EXD3: variants seen among roughly 807,000 people sequenced by gnomAD.
EXD3 encodes exonuclease mut-7 homolog.
A neutral mutation model predicts 98.0 loss-of-function variants in EXD3; 92 were observed. The ratio of observed to expected loss-of-function variants is 0.94; its 90% CI spans 0.79 to 1.12. EXD3 has a LOEUF of 1.12. EXD3 is among the 50% of genes most tolerant of loss of function. EXD3 has a pLI of 0.00. For synonymous variants in EXD3, 569 were observed against 526.0 expected (o/e 1.08, Z -1.12); for missense variants, 1,222 against 1,191.6 (o/e 1.03, Z -0.38).
In EXD3 at chr9:137,381,741, C is replaced by T. The variant is rs905906912; in HGVS notation, c.120+1572G>A. The stretch of plus-strand genomic sequence containing the variant: ...TTCATCTCCCTCCTCTGGGGGCACC[C>T]GGCGTCTGTGCCACCATATGGGGGT... On this transcript the variant is annotated intron_variant, in intron 3 of 21. Coordinates refer to ENST00000340951, the MANE Select transcript of EXD3 (RefSeq NM_017820.5). Among the ~76,000 whole-genome samples the T allele has an allele frequency of 7.9e-5, 12 of 152,316 alleles. 1 individual carries two copies. The highest frequency in any genetic ancestry group is 1.4e-4 in the African/African-American group (6 of 41,586).
intron 3 of EXD3, among the ~76,000 whole-genome samples, chr9:137,378,743 A>G (rs1376855813): frequency 1.3e-5 from 2 of 152,240 alleles, no homozygotes; most frequent in African/African-American, 2.4e-5. Flanking sequence ...GCAAGTCACA[A>G]AAGACCCCAT....
chr9:137,316,905 G>A (rs1450338420), intron 19 of EXD3, among the ~76,000 whole-genome samples: 1 of 152,182 alleles, frequency 6.6e-6, no homozygotes, highest in Admixed American at 6.5e-5. Flanking sequence ...CCTTCCAGGG[G>A]AGCTCTATGT....
In EXD3 at chr9:137,324,252, C is replaced by A; in HGVS notation, c.1999-109G>T. On this transcript the variant is annotated intron_variant, in intron 17 of 21. Transcript: ENST00000340951. This position sits in a 1 kb window ranked among gnomAD's most constrained non-coding sequence, Gnocchi z 4.1. Reference sequence around the variant, plus strand: ...CCCCGGATCGTGGCCCTGCCCCAGGCCCCTTTTGTCCTCCAGGGTGGCCTC... The same window carrying A: ...CCCCGGATCGTGGCCCTGCCCCAGGACCCTTTTGTCCTCCAGGGTGGCCTC... 1 of 923,278 alleles carries A rather than the reference C, an allele frequency of 1.1e-6. No individual in the cohort carries two copies. 57.2% of individuals were successfully genotyped at this position (923,278 alleles called of 1,614,324 possible). A position where few individuals can be genotyped will look rare whatever the true frequency, so the allele number is the denominator to read the frequency against.
Position 137,354,036 on chromosome 9 carries a change from C to A in EXD3, c.870+303G>T, listed in dbSNP as rs1455992529. ...GGCGCCTTGCACCTCTCTGGTGACT[C>A]TCAGCCCCCACCCGGCCCCACAGGC... On this transcript the variant is annotated intron_variant, in intron 10 of 21. Transcript: ENST00000340951. 4 of 1,192,762 alleles carry A rather than the reference C, an allele frequency of 3.4e-6. No individual in the cohort carries two copies. The African/African-American group carries it at 6.3e-5, about 19-fold the overall frequency. 73.9% of individuals were successfully genotyped at this position (1,192,762 alleles called of 1,614,324 possible). A position where few individuals can be genotyped will look rare whatever the true frequency, so the allele number is the denominator to read the frequency against.
chr9:137,400,593 C>T (rs1211143767), intron 1 of EXD3, among the ~76,000 whole-genome samples: 1 of 152,050 alleles, frequency 6.6e-6, no homozygotes, highest in East Asian at 1.9e-4. Flanking sequence ...TGGAGAAACC[C>T]TGTCTCTACT....
At chr9:137,415,283 A>T (rs1373549421) in intron 1 of EXD3, among the ~76,000 whole-genome samples, 2 of 150,912 alleles carry the variant, frequency 1.3e-5, no homozygotes, top group African/African-American at 4.9e-5. Flanking sequence ...AGCTGACTGC[A>T]ACCTCCGCCT....
rs115406484 is a variant in EXD3, at chr9:137,375,448, T to C, written c.121-1849A>G. Among the ~76,000 whole-genome samples the C allele has an allele frequency of 3.3e-3, 508 of 152,324 alleles. 4 individuals are homozygous for C. The highest frequency in any genetic ancestry group is 0.011 in the African/African-American group (458 of 41,592). ...AGTGAGTTACAGTTCTAGTGAGTTC[T>C]AGCTCTAGCGAGTTCTAACTCTAGC... On this transcript the variant is annotated intron_variant, in intron 3 of 21. Transcript: ENST00000340951.
rs1381156351 is a variant in EXD3 at position 137,385,433 on chromosome 9, G to T, written c.56-2056C>A. ...GGGTGGGCTGGGCGGGGCGTGCTGT[G>T]GTGTGTTCACGATCATGTGCCGAGC... On this transcript the variant is annotated intron_variant, in intron 2 of 21. Transcript: ENST00000340951. This position sits in a 1 kb window ranked among gnomAD's most constrained non-coding sequence, Gnocchi z 4.4. 6.6e-6 allele frequency among the ~76,000 whole-genome samples: 1 copy of T among 152,198 alleles called. No individual in the cohort carries two copies. The highest frequency in any genetic ancestry group is 6.5e-5 in the Admixed American group (1 of 15,282).
rs1340450711 is a variant in EXD3 at position 137,360,306 on chromosome 9, T to G, written c.657-3938A>C. Among the ~76,000 whole-genome samples, 2 of 86,370 alleles carry G rather than the reference T, an allele frequency of 2.3e-5. 1 individual carries two copies. The highest frequency in any genetic ancestry group is 6.4e-5 in the African/African-American group (2 of 31,168). The allele number at this position is 86,370 out of a possible 152,430, so 56.7% of individuals were successfully genotyped here. A position where few individuals can be genotyped will look rare whatever the true frequency, so the allele number is the denominator to read the frequency against. On this transcript the variant is annotated intron_variant, in intron 7 of 21. Transcript: ENST00000340951. ...GCTTAAAAATACTCTGGATACAGTC[T>G]TTTGTAAAATATGTACTGTAAATAA...
intron 7 of EXD3, among the ~76,000 whole-genome samples, chr9:137,357,095 T>C (rs549937010): frequency 5.7e-4 from 87 of 152,332 alleles, no homozygotes; most frequent in Admixed American, 9.8e-4. Flanking sequence ...CTCCCAGAAC[T>C]GCTGTTGAGA....
Position 137,351,429 on chromosome 9 carries a change from C to G in EXD3, c.1273G>C (p.Val425Leu). The G allele has an allele frequency of 1.2e-6, 2 of 1,607,414 alleles. No homozygotes were observed. Among genetic ancestry groups the G allele is most frequent in the African/African-American group, 2.7e-5 (2 of 74,970 alleles). The change falls in exon 13 of 22, where the codon GTG becomes CTG. Residue 425 changes from valine to leucine, a missense_variant. Physicochemically the swap from Val to Leu is conservative, Grantham distance 32. Coordinates refer to ENST00000340951, the MANE Select transcript of EXD3 (RefSeq NM_017820.5). ...AGTGCCAGGACGTCCAGAAGGAACA[C>G]GTGGCCCTCCACGGCCACCTGCAGG... The part of the protein sequence containing the change: ...SLLQVAVEGH[V>L]FLLDVLALSQ...
chr9:137,380,297 G>GC (rs1836165762), intron 3 of EXD3, among the ~76,000 whole-genome samples: 1 of 61,282 alleles, frequency 1.6e-5, no homozygotes, highest in African/African-American at 7.1e-5. Flanking sequence ...CCACCCCAAT[G>GC]CCCCTCTGGG....
At chr9:137,415,898 G>A (rs368560805) in intron 1 of EXD3, among the ~76,000 whole-genome samples, 15 of 152,216 alleles carry the variant, frequency 9.9e-5, no homozygotes, top group African/African-American at 1.9e-4. Context: ...CACGCTGCAC[G>A]GTGCAAGGTC....
At chr9:137,362,222 C>T (rs1835026698) in intron 7 of EXD3, among the ~76,000 whole-genome samples, 1 of 152,120 alleles carries the variant, frequency 6.6e-6, no homozygotes, top group Non-Finnish European at 1.5e-5. Context: ...AAGACAATGA[C>T]AGACCAAGAT....
At chr9:137,421,228 C>T (rs1223179629) in intron 1 of EXD3, among the ~76,000 whole-genome samples, 1 of 152,170 alleles carries the variant, frequency 6.6e-6, no homozygotes, top group Non-Finnish European at 1.5e-5. Flanking sequence ...CAGCACATTA[C>T]CTGTCTGATG....
chr9:137,404,544 T>G (rs944967677), intron 1 of EXD3, among the ~76,000 whole-genome samples: 1 of 152,216 alleles, frequency 6.6e-6, no homozygotes, highest in Non-Finnish European at 1.5e-5. Context: ...ATTTGCAAAT[T>G]CTGAAAAATC....
intron 17 of EXD3, among the ~76,000 whole-genome samples, chr9:137,329,964 T>C (rs796438643): frequency 2.0e-3 from 8 of 4,044 alleles, no homozygotes; most frequent in East Asian, 0.038. Flanking sequence ...ACAGGAGCTA[T>C]ACAGGAGCTA....
intron 7 of EXD3, among the ~76,000 whole-genome samples, chr9:137,364,525 G>A (rs935732978): frequency 2.6e-5 from 4 of 151,778 alleles, no homozygotes; most frequent in African/African-American, 9.7e-5. Context: ...GGGAGGCTGA[G>A]ACAGGAGAAT....
At position 137,351,068 on chromosome 9, in the gene EXD3, G is replaced by A. The variant is rs373137516; in HGVS notation, c.1464C>T (p.Gly488=). ...ALAHVEKQIL[G]GMDLLLVHRQ... ...TGTGCACCAGCAGCAGGTCCATGCC[G>A]CCCAGAATCTGCTTCTCCACATGGG... is the stretch of plus-strand genomic sequence containing the variant. Residue 488 remains glycine (G), a synonymous_variant, in exon 14 of 22, where the codon GGC becomes GGT. Coordinates refer to ENST00000340951, the MANE Select transcript of EXD3 (RefSeq NM_017820.5). The A allele has an allele frequency of 6.8e-5, 107 of 1,574,062 alleles. No individual in the cohort carries two copies. In the Middle Eastern group the frequency reaches 8.3e-4, roughly 12 times the overall value.
Sources: allele counts gnomAD v4.1 joint callset (sites outside exome capture counted in the v4.1 genomes callset), GRCh38; gene constraint gnomAD v4.1.1; non-coding constraint Gnocchi (gnomAD v3.1); transcripts MANE v1.5; gene names NCBI Gene and HGNC (gene_info 2026-07-23, HGNC 2026-07-21).